XKR9: variants seen among roughly 807,000 people sequenced by gnomAD.
The protein encoded by XKR9 is XK-related protein 9.
A neutral mutation model predicts 32.0 loss-of-function variants in XKR9; 32 were observed. The ratio of observed to expected loss-of-function variants is 1.00; its 90% confidence interval spans 0.76 to 1.34. The LOEUF (loss-of-function observed/expected upper bound fraction) is 1.34. Ranked by LOEUF, XKR9 falls within the 40% of genes most tolerant of loss-of-function variation. The pLI is 0.00. For missense variants in XKR9, 546 were observed against 429.7 expected, an observed-to-expected ratio of 1.27 and a Z score of -2.39; for synonymous variants, 168 against 143.4, an observed-to-expected ratio of 1.17 and a Z score of -1.22.
chr8:70,779,307 G>A (rs1807580274), intron 2 of XKR9, among the ~76,000 whole-genome samples: 1 of 152,174 alleles, frequency 6.6e-6, no homozygotes, highest in Admixed American at 6.6e-5. Flanking sequence ...AAGCCAACTT[G>A]TTCGTGGTGG....
chr8:70,724,523 G>T (rs927447086), intron 4 of XKR9, among the ~76,000 whole-genome samples: 1 of 152,116 alleles, frequency 6.6e-6, no homozygotes, highest in Non-Finnish European at 1.5e-5. Flanking sequence ...TGGTGGTGTA[G>T]GCACATGAAG....
At chr8:70,767,703 G>GT (rs1226294225) in intron 2 of XKR9, among the ~76,000 whole-genome samples, 2 of 151,772 alleles carry the variant, frequency 1.3e-5, no homozygotes, top group African/African-American at 4.8e-5. Context: ...GGGTTTCGCT[G>GT]TGTTAGCCAG....
chr8:70,824,808 T>C, the XKR9 span, among the ~76,000 whole-genome samples: 1 of 151,924 alleles, frequency 6.6e-6, no homozygotes, highest in Non-Finnish European at 1.5e-5. Context: ...TTTTGAATTG[T>C]GGTGTATGGT....
At chr8:71,033,080 CT>C in the XKR9 span, among the ~76,000 whole-genome samples, 1 of 137,622 alleles carries the variant, frequency 7.3e-6, no homozygotes, top group Non-Finnish European at 1.5e-5. Flanking sequence ...AAGATTACAT[CT>C]CAAAAAAAAA....
the XKR9 span, among the ~76,000 whole-genome samples, chr8:70,981,583 C>A: frequency 6.6e-6 from 1 of 151,922 alleles, no homozygotes; most frequent in Admixed American, 6.6e-5. Context: ...TGAACTTTAC[C>A]TTTCTCTGGT....
chr8:70,999,256 C>T, the XKR9 span, among the ~76,000 whole-genome samples: 5 of 151,946 alleles, frequency 3.3e-5, no homozygotes, highest in Non-Finnish European at 5.9e-5. Flanking sequence ...TCTTTTATCC[C>T]ATTATTTATA....
chr8:71,064,202 T>G, the XKR9 span, among the ~76,000 whole-genome samples: 1 of 152,186 alleles, frequency 6.6e-6, no homozygotes, highest in Non-Finnish European at 1.5e-5. Flanking sequence ...ATTTGCTTAA[T>G]TTTTTGAAGT....
the XKR9 span, among the ~76,000 whole-genome samples, chr8:70,864,077 A>G: frequency 6.6e-6 from 1 of 152,298 alleles, no homozygotes; most frequent in Non-Finnish European, 1.5e-5. Flanking sequence ...GCAGAAATTG[A>G]AGAGGATTTG....
intron 3 of XKR9, among the ~76,000 whole-genome samples, chr8:70,686,078 G>T (rs1341443167): frequency 6.6e-6 from 1 of 151,616 alleles, no homozygotes; most frequent in African/African-American, 2.4e-5. Flanking sequence ...AACGTTTCTT[G>T]CAAGGCAAGT....
chr8:70,855,691 T>C, the XKR9 span, among the ~76,000 whole-genome samples: 1 of 152,186 alleles, frequency 6.6e-6, no homozygotes, highest in Non-Finnish European at 1.5e-5. Context: ...TCACCAAAGT[T>C]GAAATGAAGG....
chr8:71,065,356 G>A, the XKR9 span, among the ~76,000 whole-genome samples: 1 of 152,184 alleles, frequency 6.6e-6, no homozygotes, highest in African/African-American at 2.4e-5. Flanking sequence ...ATTATGCACA[G>A]ATGAAAGGCC....
the XKR9 span, among the ~76,000 whole-genome samples, chr8:71,023,027 C>T: frequency 1.3e-5 from 2 of 151,760 alleles, no homozygotes; most frequent in South Asian, 4.2e-4. Context: ...GTATTGCTTA[C>T]TTGTGTTCCC....
chr8:70,760,578 C>T (rs1443305972), intron 2 of XKR9, among the ~76,000 whole-genome samples: 1 of 152,198 alleles, frequency 6.6e-6, no homozygotes, highest in East Asian at 1.9e-4. Flanking sequence ...CCTCCTGCCA[C>T]ACAACCTTCC....
At chr8:71,044,914 G>A in the XKR9 span, among the ~76,000 whole-genome samples, 8 of 152,168 alleles carry the variant, frequency 5.3e-5, no homozygotes, top group Non-Finnish European at 1.0e-4. Context: ...GGAAATGTAA[G>A]CAGAAATTCT....
chr8:70,735,797 C>T lies in XKR9; in HGVS notation c.*1373C>T, dbSNP rs994289375. ...GTCCCTACAAAGGACATGAACTCAT[C>T]ATTTTTTATGGCTGCATAGTATTCC... is the stretch of plus-strand genomic sequence containing the variant. On this transcript the variant is annotated 3_prime_UTR_variant, in exon 5 of 5. Coordinates refer to ENST00000408926, the MANE Select transcript of XKR9 (RefSeq NM_001011720.2). 2.6e-5 allele frequency: 4 copies of T among 151,964 alleles called. No homozygotes were observed. The highest frequency in any genetic ancestry group is 9.7e-5 in the African/African-American group (4 of 41,362). 9.4% of individuals were successfully genotyped at this position (151,964 alleles called of 1,614,324 possible). A position where few individuals can be genotyped will look rare whatever the true frequency, so the allele number is the denominator to read the frequency against.
At chr8:71,055,283 T>A in the XKR9 span, among the ~76,000 whole-genome samples, 1 of 152,202 alleles carries the variant, frequency 6.6e-6, no homozygotes, top group East Asian at 1.9e-4. Context: ...GTATTTGAAG[T>A]ATAGGATCAT....
At chr8:70,757,393 C>G (rs1009257125) in intron 2 of XKR9, among the ~76,000 whole-genome samples, 4 of 152,024 alleles carry the variant, frequency 2.6e-5, no homozygotes, top group African/African-American at 9.7e-5. Flanking sequence ...TCAGTTCAAA[C>G]ATCCTGTTGA....
At chr8:70,811,023 T>G in the XKR9 span, among the ~76,000 whole-genome samples, 3 of 152,110 alleles carry the variant, frequency 2.0e-5, no homozygotes, top group Non-Finnish European at 2.9e-5. Context: ...ATTCCAAAAT[T>G]GACCACATAC....
rs1478480523 is a variant in XKR9 at position 70,746,169 on chromosome 8, AT to A, written n.352+39017del. Among the ~76,000 whole-genome samples the A allele has an allele frequency of 1.0e-3, 157 of 150,694 alleles. 1 individual carries two copies. The highest frequency in any genetic ancestry group is 7.0e-3 in the Middle Eastern group (2 of 284). ...AACAGCATATAATAAATATATAATT[AT>A]ATGTTATATACAGTAAAATAAACAG... is the stretch of plus-strand genomic sequence containing the variant. On this transcript the variant is annotated intron_variant and non_coding_transcript_variant, in intron 2 of 3. Transcript: ENST00000520273.
Sources: allele counts gnomAD v4.1 joint callset (sites outside exome capture counted in the v4.1 genomes callset), GRCh38; gene constraint gnomAD v4.1.1; transcripts MANE v1.5; gene names NCBI Gene and HGNC (gene_info 2026-07-23, HGNC 2026-07-21).